Variants in PTPRD observed in about 807,000 individuals in gnomAD.
The protein encoded by PTPRD is receptor-type tyrosine-protein phosphatase delta.
A neutral mutation model predicts 214.5 loss-of-function variants in PTPRD; 34 were observed. The observed-to-expected ratio is 0.16, with a 90% CI of 0.12 to 0.21. The LOEUF (loss-of-function observed/expected upper bound fraction) is 0.21. Among genes scored for constraint, PTPRD ranks in the 10% least tolerant of loss-of-function variants. The pLI is 1.00. For synonymous variants in PTPRD, 1,128 were observed against 845.7 expected, an observed-to-expected ratio of 1.33 and a Z score of -5.79; for missense variants, 2,545 against 2,398.7, an observed-to-expected ratio of 1.06 and a Z score of -1.27.
chr9:8,859,237 CAGCTTCTCTG>C (rs1206051088), intron 11 of PTPRD, among the ~76,000 whole-genome samples: 2 of 152,228 alleles, frequency 1.3e-5, no homozygotes, highest in African/African-American at 2.4e-5. Context: ...CAGTGCTCCT[CAGCTTCTCTG>C]AAGGACACTA....
intron 8 of PTPRD, among the ~76,000 whole-genome samples, chr9:9,525,762 A>T (rs2073982263): frequency 6.6e-6 from 1 of 152,144 alleles, no homozygotes; most frequent in Non-Finnish European, 1.5e-5. Context: ...AACCTTTTAT[A>T]TACCTAATAT....
chr9:10,103,484 G>C (rs986675339), intron 3 of PTPRD, among the ~76,000 whole-genome samples: 1 of 149,454 alleles, frequency 6.7e-6, no homozygotes, highest in South Asian at 2.1e-4. Flanking sequence ...AGTCACAAAA[G>C]CTCACCCCAA....
intron 7 of PTPRD, among the ~76,000 whole-genome samples, chr9:9,623,083 G>T (rs2095303395): frequency 6.6e-6 from 1 of 152,192 alleles, no homozygotes; most frequent in African/African-American, 2.4e-5. Context: ...AATCTATAAA[G>T]AAGAGATTTA....
At chr9:8,679,416 T>G (rs1383086294) in intron 12 of PTPRD, among the ~76,000 whole-genome samples, 1 of 152,226 alleles carries the variant, frequency 6.6e-6, no homozygotes. Context: ...TCACTTCATA[T>G]TCACTGTGAT....
intron 3 of PTPRD, among the ~76,000 whole-genome samples, chr9:10,265,211 C>T (rs771691848): frequency 2.0e-5 from 3 of 152,122 alleles, no homozygotes; most frequent in African/African-American, 4.8e-5. Flanking sequence ...AAACTTCCTG[C>T]CTCCTGGAGC....
chr9:8,994,900 A>T (rs1203212841), intron 11 of PTPRD, among the ~76,000 whole-genome samples: 1 of 152,084 alleles, frequency 6.6e-6, no homozygotes, highest in Admixed American at 6.6e-5. Context: ...AAATTAAGCT[A>T]AAGGGAACTT....
intron 9 of PTPRD, among the ~76,000 whole-genome samples, chr9:9,337,886 G>T (rs149891401): frequency 1.8e-4 from 28 of 152,292 alleles, no homozygotes; most frequent in Admixed American, 3.3e-4. Flanking sequence ...TAAATAAACA[G>T]AGGTTGTTAT....
chr9:9,697,745 A>G (rs186504178), intron 7 of PTPRD, among the ~76,000 whole-genome samples: 14 of 152,270 alleles, frequency 9.2e-5, no homozygotes, highest in Admixed American at 9.2e-4. Context: ...TTCTTTTAAT[A>G]AACTTTCTAC....
chr9:8,729,478 C>T (rs768321679), intron 12 of PTPRD, among the ~76,000 whole-genome samples: 8 of 152,034 alleles, frequency 5.3e-5, no homozygotes, highest in East Asian at 1.9e-4. Context: ...GTGCTTCACA[C>T]GTGCTCAATA....
chr9:9,222,157 G>A (rs1227049942), intron 9 of PTPRD, among the ~76,000 whole-genome samples: 1 of 151,848 alleles, frequency 6.6e-6, no homozygotes, highest in African/African-American at 2.4e-5. Flanking sequence ...CTTATTGTAG[G>A]CAAAAGTAAT....
intron 43 of PTPRD, among the ~76,000 whole-genome samples, chr9:8,332,480 C>T (rs1307454605): frequency 1.3e-5 from 2 of 152,098 alleles, no homozygotes; most frequent in Admixed American, 6.6e-5. Context: ...AAAGAGCTCT[C>T]CCTGGCTGAC....
chr9:8,934,419 G>GTC (rs1271340382), intron 11 of PTPRD, among the ~76,000 whole-genome samples: 1 of 31,408 alleles, frequency 3.2e-5, no homozygotes, highest in Non-Finnish European at 5.3e-5. Flanking sequence ...GTGTGTGTGT[G>GTC]TGTATATATA....
At chr9:9,596,950 T>C (rs937993540) in intron 7 of PTPRD, among the ~76,000 whole-genome samples, 1 of 152,028 alleles carries the variant, frequency 6.6e-6, no homozygotes, top group African/African-American at 2.4e-5. Context: ...AGGATTATTC[T>C]GCCCCAAAGA....
chr9:8,972,373 A>C (rs1231357669), intron 11 of PTPRD, among the ~76,000 whole-genome samples: 1 of 151,950 alleles, frequency 6.6e-6, no homozygotes, highest in Non-Finnish European at 1.5e-5. Context: ...CCTGATTCAA[A>C]GGATTTTTCC....
intron 34 of PTPRD, among the ~76,000 whole-genome samples, chr9:8,448,020 C>T (rs1328526427): frequency 6.6e-6 from 1 of 152,066 alleles, no homozygotes; most frequent in African/African-American, 2.4e-5. Flanking sequence ...ATTCCTGGGT[C>T]CATTATTAAG....
At chr9:8,492,807 C>T (rs565219550) in intron 27 of PTPRD, 55 bp downstream of exon 27, 1 of 1,292,910 alleles carries the variant, frequency 7.7e-7, no homozygotes, top group Admixed American at 1.7e-5. Flanking sequence ...CTACCTATAC[C>T]ATTTAAAAAG....
intron 3 of PTPRD, among the ~76,000 whole-genome samples, chr9:10,159,870 C>T (rs1592741814): frequency 6.6e-6 from 1 of 152,078 alleles, no homozygotes; most frequent in African/African-American, 2.4e-5. Flanking sequence ...AAAATAACCT[C>T]AACAGGCAGA....
chr9:9,018,572 T>C (rs939604076), intron 11 of PTPRD, 125 bp downstream of exon 11: 4 of 152,206 alleles, frequency 2.6e-5, no homozygotes, highest in African/African-American at 7.2e-5. Context: ...TTATTCCTTA[T>C]ACTCCATAAT....
rs756214335 is a variant in PTPRD at position 8,500,779 on chromosome 9, G to C, written c.2103C>G (p.Ser701=). ...CATCTTCATTGGTTCGAATCAACACGGACAAGCTCTCAGGGCCAGGGCCGA... is the reference window on the plus strand; with the variant it reads ...CATCTTCATTGGTTCGAATCAACACCGACAAGCTCTCAGGGCCAGGGCCGA... ...TDVGPGPESL[S]VLIRTNEDVP... The change falls in exon 24 of 46, where the codon TCC becomes TCG. Residue 701 remains serine, a synonymous_variant. Transcript: ENST00000381196. The C allele has an allele frequency of 7.4e-6, 12 of 1,614,060 alleles. No homozygotes were observed. Among genetic ancestry groups the C allele is most frequent in the Middle Eastern group, 1.7e-4 (1 of 6,058 alleles).
Sources: gnomAD v4.1 joint callset for allele counts (sites outside exome capture counted in the v4.1 genomes callset) on GRCh38, gnomAD v4.1.1 for gene constraint, MANE v1.5 for transcripts, NCBI Gene and HGNC (gene_info 2026-07-23, HGNC 2026-07-21) for gene names.